GTF3C1: variants seen among roughly 807,000 people sequenced by gnomAD.
GTF3C1 encodes general transcription factor 3C polypeptide 1.
GTF3C1 carries 57 observed loss-of-function variants against 226.7 expected under a neutral mutation model. The observed-to-expected ratio is 0.25, with a 90% CI of 0.20 to 0.31. GTF3C1 has a LOEUF of 0.31. Among genes scored for constraint, GTF3C1 ranks in the 10% least tolerant of loss-of-function variants. The probability of loss-of-function intolerance (pLI) is 1.00; values close to 1 mark genes in which losing one functional copy is unlikely to be tolerated. For missense variants in GTF3C1, 2,217 were observed against 2,776.1 expected (o/e 0.80, Z 4.53); for synonymous variants, 1,090 against 1,084.8 (o/e 1.00, Z -0.09).
chr16:27,476,403 T>G, intron 29 of GTF3C1, 48 bp downstream of exon 29: 2 of 1,230,434 alleles, frequency 1.6e-6, no homozygotes, highest in Non-Finnish European at 2.4e-6. Context: ...GAGCCTGGCC[T>G]CGGAAGGGCC....
intron 27 of GTF3C1, chr16:27,480,782 G>A (rs1321422777): frequency 1.4e-5 from 5 of 352,998 alleles, no homozygotes; most frequent in Admixed American, 4.1e-5. Context: ...CCTTGGGCAC[G>A]TTACTTACAT....
Position 27,462,555 on chromosome 16 carries a change from G to A in GTF3C1, c.5925-69C>T. On this transcript the variant is annotated intron_variant, in intron 35 of 36. Coordinates refer to ENST00000356183, the MANE Select transcript of GTF3C1 (RefSeq NM_001520.4). This position sits in a 1 kb window ranked among gnomAD's most constrained non-coding sequence, Gnocchi z 4.5. ...GGGCAGCTCGTCCAGACAGAACACT[G>A]AGGCTCAGGGGCGTCCTAGGCCTGG... The A allele has an allele frequency of 8.1e-7, 1 of 1,234,862 alleles. No individual in the cohort carries two copies. The highest frequency in any genetic ancestry group is 1.2e-6 in the Non-Finnish European group (1 of 854,384). 76.5% of individuals were successfully genotyped at this position (1,234,862 alleles called of 1,614,324 possible). A position where few individuals can be genotyped will look rare whatever the true frequency, so the allele number is the denominator to read the frequency against.
At chr16:27,484,176 G>T in intron 25 of GTF3C1, 35 bp downstream of exon 25, 1 of 1,503,020 alleles carries the variant, frequency 6.7e-7, no homozygotes, top group Non-Finnish European at 9.3e-7. Context: ...TAACGTAACC[G>T]TGTCCCGGAG....
intron 6 of GTF3C1, among the ~76,000 whole-genome samples, chr16:27,519,019 A>G (rs1249765829): frequency 6.6e-6 from 1 of 152,242 alleles, no homozygotes; most frequent in African/African-American, 2.4e-5. Flanking sequence ...GAAATGTGCT[A>G]TAACACCCTC....
intron 1 of GTF3C1, among the ~76,000 whole-genome samples, chr16:27,546,968 T>C (rs772320074): frequency 8.6e-5 from 13 of 151,964 alleles, no homozygotes; most frequent in Admixed American, 1.3e-4. Flanking sequence ...GGTTTCACGA[T>C]GTTGGCCAAA....
Position 27,462,517 on chromosome 16 carries a change from G to T in GTF3C1, c.5925-31C>A, listed in dbSNP as rs1166294619. On this transcript the variant is annotated intron_variant, in intron 35 of 36. Coordinates refer to ENST00000356183, the MANE Select transcript of GTF3C1 (RefSeq NM_001520.4). This position sits in a 1 kb window ranked among gnomAD's most constrained non-coding sequence, Gnocchi z 4.5. Reference sequence around the variant, plus strand: ...GGGAGAGGGCTTGACATCAGGGCTTGGTGGGGGCAGGAGGGCAGCTCGTCC... The same window carrying T: ...GGGAGAGGGCTTGACATCAGGGCTTTGTGGGGGCAGGAGGGCAGCTCGTCC... 6.4e-7 allele frequency: 1 copy of T among 1,565,748 alleles called. No individual in the cohort carries two copies. Among genetic ancestry groups the T allele is most frequent in the Non-Finnish European group, 8.8e-7 (1 of 1,138,156 alleles).
chr16:27,511,663 G>C, intron 7 of GTF3C1, 86 bp downstream of exon 7: 1 of 1,395,842 alleles, frequency 7.2e-7, no homozygotes, highest in South Asian at 1.3e-5. Flanking sequence ...CTCTATAGCA[G>C]AGCTCTCTCT....
rs575698082 is a variant in GTF3C1, at chr16:27,462,297, G to A, written c.6114C>T (p.Leu2038=). The part of the protein sequence containing the change: ...VLQPVAVLEL[L]QGLESLGCIR... ...TGAACCCAGGAAGGCCCCACACCTGGAGCAACTCCAGCACGGCGACGGGCT... is the reference window on the plus strand; with the variant it reads ...TGAACCCAGGAAGGCCCCACACCTGAAGCAACTCCAGCACGGCGACGGGCT... The change falls in exon 36 of 37, where the codon CTC becomes CTT. Residue 2038 remains leucine (L), a synonymous_variant. Coordinates refer to ENST00000356183, the MANE Select transcript of GTF3C1 (RefSeq NM_001520.4). This position sits in a 1 kb window ranked among gnomAD's most constrained non-coding sequence, Gnocchi z 4.5. The A allele has an allele frequency of 1.3e-6, 2 of 1,549,156 alleles. No individual in the cohort carries two copies. The highest frequency in any genetic ancestry group is 2.4e-5 in the East Asian group (1 of 40,926).
Position 27,492,653 on chromosome 16 carries a change from C to G in GTF3C1, c.2937G>C (p.Gln979His). 1 of 1,606,954 alleles carries G rather than the reference C, an allele frequency of 6.2e-7. No individual in the cohort carries two copies. Among genetic ancestry groups the G allele is most frequent in the Non-Finnish European group, 8.5e-7 (1 of 1,173,494 alleles). ...LQRLCYMGLL[Q>H]FGPTEKFQDK... Reference sequence around the variant, plus strand: ...CCTGAAACTTTTCCGTGGGACCAAACTGTAGCAGCCCCATGTAGCACAGCC... The same window carrying G: ...CCTGAAACTTTTCCGTGGGACCAAAGTGTAGCAGCCCCATGTAGCACAGCC... The change falls in exon 18 of 37, where the codon CAG becomes CAC. Residue 979 changes from glutamine to histidine, a missense_variant. Gln to His is a conservative substitution (Grantham distance 24). Around this residue, in one of 12 missense-constraint regions of GTF3C1, gnomAD observed 353 missense variants for 411.7 expected, o/e 0.86. Coordinates refer to ENST00000356183, the MANE Select transcript of GTF3C1 (RefSeq NM_001520.4). This position sits in a 1 kb window ranked among gnomAD's most constrained non-coding sequence, Gnocchi z 5.0.
chr16:27,481,834 G>A (rs141229271), intron 26 of GTF3C1, among the ~76,000 whole-genome samples: 22 of 152,344 alleles, frequency 1.4e-4, no homozygotes, highest in African/African-American at 4.8e-4. Flanking sequence ...CCCAGCTGCC[G>A]TGGTTTCCAG....
In GTF3C1 at chr16:27,463,282, C is replaced by CATGG. The variant is rs2087731702; in HGVS notation, c.5924+255_5924+258dup. On this transcript the variant is annotated intron_variant, in intron 35 of 36. Coordinates refer to ENST00000356183, the MANE Select transcript of GTF3C1 (RefSeq NM_001520.4). This position sits in a 1 kb window ranked among gnomAD's most constrained non-coding sequence, Gnocchi z 4.9. ...GTGAAGCACAGCTGACAGCACCAGG[C>CATGG]ATGGTTCTCCACCAGCGCCCTGGGC... is the stretch of plus-strand genomic sequence containing the variant. The CATGG allele has an allele frequency of 1.9e-6, 1 of 519,762 alleles. No individual in the cohort carries two copies. Among genetic ancestry groups the CATGG allele is most frequent in the South Asian group, 2.6e-5 (1 of 38,244 alleles). 32.2% of individuals were successfully genotyped at this position (519,762 alleles called of 1,614,324 possible). A position where few individuals can be genotyped will look rare whatever the true frequency, so the allele number is the denominator to read the frequency against.
intron 24 of GTF3C1, among the ~76,000 whole-genome samples, chr16:27,484,554 G>A (rs1488974864): frequency 1.3e-5 from 2 of 152,198 alleles, no homozygotes; most frequent in Non-Finnish European, 2.9e-5. Flanking sequence ...AGTATAGGAC[G>A]AGGCCTCAGT....
intron 12 of GTF3C1, among the ~76,000 whole-genome samples, chr16:27,499,213 A>T (rs2088368190): frequency 6.6e-6 from 1 of 152,258 alleles, no homozygotes; most frequent in Non-Finnish European, 1.5e-5. Context: ...ACACGTCCAA[A>T]CAAACCGGCA....
rs374419746 is a variant in GTF3C1 at position 27,495,188 on chromosome 16, C to T, written c.2632+23G>A. Reference sequence around the variant, plus strand: ...CTACTGGGCCTGCCCGCCCCAGGTGCAGGAGTGGCAGGGGCCTCTCACCTG... The same window carrying T: ...CTACTGGGCCTGCCCGCCCCAGGTGTAGGAGTGGCAGGGGCCTCTCACCTG... On this transcript the variant is annotated intron_variant, in intron 15 of 36. Coordinates refer to ENST00000356183, the MANE Select transcript of GTF3C1 (RefSeq NM_001520.4). The T allele has an allele frequency of 6.3e-6, 10 of 1,579,352 alleles. No individual in the cohort carries two copies. In the African/African-American group the frequency reaches 1.3e-4, roughly 21 times the overall value.
At chr16:27,536,454 G>A (rs1275099115) in intron 4 of GTF3C1, among the ~76,000 whole-genome samples, 3 of 152,272 alleles carry the variant, frequency 2.0e-5, no homozygotes, top group East Asian at 1.9e-4. Flanking sequence ...AAAATTAGCC[G>A]GGTATGGTGG....
chr16:27,465,407 G>C lies in GTF3C1; in HGVS notation c.5208C>G (p.Pro1736=), dbSNP rs142565905. 9 of 1,613,954 alleles carry C rather than the reference G, an allele frequency of 5.6e-6. No individual in the cohort carries two copies. The highest frequency in any genetic ancestry group is 4.5e-5 in the East Asian group (2 of 44,894). ...TCTCCAAGGCAGCAGTCAGGTCTTC[G>C]GGACTATACCCAGACAGCTCCAGCT... ...VLQLELSGYS[P]EDLTAALEIL... The change falls in exon 33 of 37, where the codon CCC becomes CCG. Residue 1736 remains proline, a synonymous_variant. Coordinates refer to ENST00000356183, the MANE Select transcript of GTF3C1 (RefSeq NM_001520.4).
At chr16:27,501,107 G>T in intron 12 of GTF3C1, 84 bp downstream of exon 12, 1 of 1,123,290 alleles carries the variant, frequency 8.9e-7, no homozygotes. Flanking sequence ...GCAACTACCA[G>T]GATACAGCAA....
At chr16:27,534,009 GAAAAACA>G (rs1046668111) in intron 4 of GTF3C1, among the ~76,000 whole-genome samples, 3 of 151,872 alleles carry the variant, frequency 2.0e-5, no homozygotes, top group Non-Finnish European at 4.4e-5. Flanking sequence ...CCATCTCAAA[GAAAAACA>G]AAAAACAGAT....
At chr16:27,527,183 G>A (rs1165058313) in intron 6 of GTF3C1, among the ~76,000 whole-genome samples, 4 of 152,212 alleles carry the variant, frequency 2.6e-5, no homozygotes, top group African/African-American at 9.6e-5. Context: ...ACTCCAGCCT[G>A]GGAAATAGAG....
Sources: allele counts gnomAD v4.1 joint callset (sites outside exome capture counted in the v4.1 genomes callset), GRCh38; gene constraint gnomAD v4.1.1; regional missense constraint gnomAD v4.1.1; non-coding constraint Gnocchi (gnomAD v3.1); transcripts MANE v1.5; gene names NCBI Gene and HGNC (gene_info 2026-07-23, HGNC 2026-07-21).